Variants in GRIA1 observed in about 807,000 individuals in gnomAD.
The protein encoded by GRIA1 is glutamate receptor 1.
In GRIA1, 31 loss-of-function variants were observed where a neutral mutation model predicts 99.2. The ratio of observed to expected loss-of-function variants is 0.31; its 90% CI spans 0.23 to 0.42. The LOEUF (loss-of-function observed/expected upper bound fraction) is 0.42, where lower values mean the gene tolerates loss of function less well. Ranked by LOEUF, GRIA1 falls within the 10% of genes least tolerant of loss-of-function variation. The pLI is 1.00. For synonymous variants in GRIA1, 438 were observed against 432.4 expected, an observed-to-expected ratio of 1.01 and a Z score of -0.16; for missense variants, 782 against 1,157.5, an observed-to-expected ratio of 0.68 and a Z score of 4.71.
chr5:153,740,589 C>G (rs1342223760), intron 11 of GRIA1, among the ~76,000 whole-genome samples: 1 of 152,220 alleles, frequency 6.6e-6, no homozygotes, highest in South Asian at 2.1e-4. Context: ...GAAAATACTT[C>G]TTCCTAGGGA....
At chr5:153,696,053 TG>T (rs1275192668) in intron 8 of GRIA1, among the ~76,000 whole-genome samples, 4 of 152,106 alleles carry the variant, frequency 2.6e-5, no homozygotes, top group Non-Finnish European at 5.9e-5. Flanking sequence ...AGTGTTCTAA[TG>T]GGAACGTACA....
intron 7 of GRIA1, among the ~76,000 whole-genome samples, chr5:153,685,196 A>G (rs920133104): frequency 6.6e-6 from 1 of 152,216 alleles, no homozygotes; most frequent in Non-Finnish European, 1.5e-5. Context: ...GAGGGATCTG[A>G]GGACACATGG....
chr5:153,572,493 A>G lies in GRIA1; in HGVS notation c.221-74435A>G, dbSNP rs535500781. 1.1e-4 allele frequency among the ~76,000 whole-genome samples: 16 copies of G among 152,284 alleles called. No homozygotes were observed. In the East Asian group the frequency reaches 2.9e-3, roughly 28 times the overall value. ...TCTGCCCAGAGTGCTTTTTTGAGAC[A>G]GATTCTGAGACATCATCCAAGTTCA... On this transcript the variant is annotated intron_variant, in intron 2 of 15. Transcript: ENST00000285900.
intron 13 of GRIA1, among the ~76,000 whole-genome samples, chr5:153,781,643 T>C (rs1764637898): frequency 6.6e-6 from 1 of 152,216 alleles, no homozygotes; most frequent in South Asian, 2.1e-4. Context: ...GTGCCTGGTC[T>C]GTCTGATTCA....
intron 2 of GRIA1, among the ~76,000 whole-genome samples, chr5:153,562,479 C>T (rs1342487353): frequency 6.6e-6 from 1 of 152,176 alleles, no homozygotes; most frequent in Admixed American, 6.5e-5. Context: ...TTGCAAGATG[C>T]ATTCTCTATC....
At chr5:153,739,120 T>C (rs1229067640) in intron 11 of GRIA1, among the ~76,000 whole-genome samples, 1 of 151,546 alleles carries the variant, frequency 6.6e-6, no homozygotes, top group East Asian at 1.9e-4. Flanking sequence ...TGGGCTCTAT[T>C]CTCCATCCCT....
intron 2 of GRIA1, among the ~76,000 whole-genome samples, chr5:153,608,627 T>G (rs953959689): frequency 6.6e-6 from 1 of 152,236 alleles, no homozygotes; most frequent in Non-Finnish European, 1.5e-5. Flanking sequence ...CTGATAAAAT[T>G]ATCAATCCTT....
At chr5:153,712,529 G>T (rs1759386951) in intron 11 of GRIA1, among the ~76,000 whole-genome samples, 1 of 151,954 alleles carries the variant, frequency 6.6e-6, no homozygotes, top group African/African-American at 2.4e-5. Context: ...TCCCCCTCCT[G>T]CTCTCTGTCC....
At chr5:153,567,684 G>A (rs1171055422) in intron 2 of GRIA1, among the ~76,000 whole-genome samples, 1 of 152,220 alleles carries the variant, frequency 6.6e-6, no homozygotes, top group East Asian at 1.9e-4. Flanking sequence ...ATGACCTGAA[G>A]ACAGAGTCCA....
intron 14 of GRIA1, among the ~76,000 whole-genome samples, chr5:153,797,373 C>G (rs1307121809): frequency 6.6e-6 from 1 of 152,226 alleles, no homozygotes; most frequent in Non-Finnish European, 1.5e-5. Context: ...CAAAGCCACA[C>G]ATCCTTAAAT....
chr5:153,595,476 T>C (rs1203856335), intron 2 of GRIA1, among the ~76,000 whole-genome samples: 1 of 152,098 alleles, frequency 6.6e-6, no homozygotes, highest in African/African-American at 2.4e-5. Context: ...AGTCTACATT[T>C]AAGAAGTGAT....
intron 2 of GRIA1, among the ~76,000 whole-genome samples, chr5:153,632,586 G>A (rs914662719): frequency 6.6e-6 from 1 of 152,140 alleles, no homozygotes; most frequent in Non-Finnish European, 1.5e-5. Flanking sequence ...TAAATAGATG[G>A]CTTACATGTA....
chr5:153,527,329 A>G (rs1041782850), intron 2 of GRIA1, among the ~76,000 whole-genome samples: 7 of 152,218 alleles, frequency 4.6e-5, no homozygotes, highest in African/African-American at 9.6e-5. Context: ...GGATAGGTGC[A>G]TCGTGTTAGT....
At chr5:153,551,457 C>A (rs1319870953) in intron 2 of GRIA1, among the ~76,000 whole-genome samples, 2 of 152,006 alleles carry the variant, frequency 1.3e-5, no homozygotes, top group East Asian at 3.9e-4. Flanking sequence ...TGTGACCACT[C>A]TCCATTTTTC....
chr5:153,652,388 T>C (rs9324753), intron 4 of GRIA1, among the ~76,000 whole-genome samples: 1 of 152,152 alleles, frequency 6.6e-6, no homozygotes, highest in African/African-American at 2.4e-5. Context: ...TTCCCATGCA[T>C]AATCCTACTT....
chr5:153,630,587 C>T (rs1327867478), intron 2 of GRIA1, among the ~76,000 whole-genome samples: 2 of 152,154 alleles, frequency 1.3e-5, no homozygotes, highest in Non-Finnish European at 2.9e-5. Context: ...AAGGCAGGTC[C>T]AAGCTTCCCA....
At chr5:153,714,982 T>C (rs1259357521) in intron 11 of GRIA1, among the ~76,000 whole-genome samples, 1 of 152,226 alleles carries the variant, frequency 6.6e-6, no homozygotes, top group Non-Finnish European at 1.5e-5. Flanking sequence ...GCATATTGCC[T>C]GCTAAAGCAG....
At position 153,764,412 on chromosome 5, in the gene GRIA1, GC is replaced by G. The variant is rs775226203; in HGVS notation, c.1824-20del. 4 of 1,592,184 alleles carry G rather than the reference GC, an allele frequency of 2.5e-6. No individual in the cohort carries two copies. The Admixed American group carries it at 6.7e-5, about 27-fold the overall frequency. On this transcript the variant is annotated intron_variant, in intron 11 of 15. Coordinates refer to ENST00000285900, the MANE Select transcript of GRIA1 (RefSeq NM_000827.4). ...CACAGTTGATGTCCATGCTGCTGAT[GC>G]CTCTTCCCTTTGGCCTGCAGGTCCC...
At chr5:153,695,471 C>T (rs1389871880) in intron 8 of GRIA1, among the ~76,000 whole-genome samples, 1 of 152,204 alleles carries the variant, frequency 6.6e-6, no homozygotes, top group African/African-American at 2.4e-5. Context: ...CACTGCCCCT[C>T]ACCACCTTCC....
Sources: allele counts gnomAD v4.1 joint callset (sites outside exome capture counted in the v4.1 genomes callset), GRCh38; gene constraint gnomAD v4.1.1; transcripts MANE v1.5; gene names NCBI Gene and HGNC (gene_info 2026-07-23, HGNC 2026-07-21).